Variants in FAM193B observed in about 807,000 individuals in gnomAD.
FAM193B encodes the protein protein FAM193B.
A neutral mutation model predicts 70.7 loss-of-function variants in FAM193B; 27 were observed. The ratio of observed to expected loss-of-function variants is 0.38; its 90% CI spans 0.28 to 0.53. The LOEUF (loss-of-function observed/expected upper bound fraction) is 0.53. FAM193B is among the 20% of genes least tolerant of loss of function. FAM193B has a pLI of 0.81. For missense variants in FAM193B, 1,022 were observed against 1,072.5 expected, an observed-to-expected ratio of 0.95 and a Z score of 0.66; for synonymous variants, 448 against 436.0, an observed-to-expected ratio of 1.03 and a Z score of -0.34.
Position 177,525,028 on chromosome 5 carries a change from A to G in FAM193B, c.1453T>C (p.Ser485Pro). 6.4e-7 allele frequency: 1 copy of G among 1,566,640 alleles called. No individual in the cohort carries two copies. The highest frequency in any genetic ancestry group is 1.2e-5 in the South Asian group (1 of 83,658). ...CACACACTGAAGCTGGCACGGATGG[A>G]GTCTTTGACAGTGTTTTTGATCTCC... Reference protein sequence around the residue: ...LQEIKNTVKDSIRASFSVCEL... With the variant: ...LQEIKNTVKDPIRASFSVCEL... The change falls in exon 6 of 9, where the codon TCC becomes CCC. Residue 485 changes from serine (S) to proline (P), a missense_variant. Coordinates refer to ENST00000514747, the MANE Select transcript of FAM193B (RefSeq NM_001190946.3).
At chr5:177,553,515 CTCAAAAGAAAGTGACCTTCT>C in intron 1 of FAM193B, 1 of 1,144,932 alleles carries the variant, frequency 8.7e-7, no homozygotes, top group South Asian at 1.8e-5. Context: ...ATCTCCTTTG[CTCAAAAGAAAGTGACCTTCT>C]TCCAGGTGGC....
At chr5:177,528,716 C>A (rs1360808718) in intron 5 of FAM193B, among the ~76,000 whole-genome samples, 1 of 152,086 alleles carries the variant, frequency 6.6e-6, no homozygotes, top group Non-Finnish European at 1.5e-5. Flanking sequence ...GAAGGCCTAG[C>A]GGTTTGAGAA....
At position 177,553,084 on chromosome 5, in the gene FAM193B, T is replaced by G. The variant is rs547135281; in HGVS notation, c.210+1165A>C. 2.2e-4 allele frequency: 155 copies of G among 708,756 alleles called. No individual in the cohort carries two copies. The African/African-American group carries it at 2.9e-3, about 13-fold the overall frequency. The allele number at this position is 708,756 out of a possible 1,614,324, so 43.9% of individuals were successfully genotyped here. A position where few individuals can be genotyped will look rare whatever the true frequency, so the allele number is the denominator to read the frequency against. ...TACCAGAGGGAGGCACAGAGGGCTG[T>G]GGGCACAGAGAGGGCACCTGACGCA... On this transcript the variant is annotated intron_variant, in intron 1 of 8. Coordinates refer to ENST00000514747, the MANE Select transcript of FAM193B (RefSeq NM_001190946.3).
intron 1 of FAM193B, among the ~76,000 whole-genome samples, chr5:177,540,904 C>T (rs939513779): frequency 2.0e-5 from 3 of 152,148 alleles, no homozygotes; most frequent in Non-Finnish European, 4.4e-5. Context: ...ATTTTTCTCC[C>T]GTGAAATTAC....
intron 5 of FAM193B, chr5:177,531,537 A>G: frequency 1.4e-5 from 13 of 919,348 alleles, no homozygotes; most frequent in African/African-American, 3.6e-5. Flanking sequence ...GGTGGGGGGG[A>G]GGTGCTGACA....
chr5:177,553,496 C>T (rs1412059703), intron 1 of FAM193B: 3 of 1,117,462 alleles, frequency 2.7e-6, no homozygotes, highest in Non-Finnish European at 3.3e-6. Flanking sequence ...TGGCAGGGTA[C>T]CTCCCGTTAT....
chr5:177,522,622 G>A (rs1761934543), intron 7 of FAM193B, among the ~76,000 whole-genome samples: 1 of 151,740 alleles, frequency 6.6e-6, no homozygotes, highest in African/African-American at 2.4e-5. Flanking sequence ...TTACAGGTGG[G>A]AGACACTGTG....
intron 1 of FAM193B, among the ~76,000 whole-genome samples, chr5:177,552,725 G>T (rs1023763948): frequency 1.3e-5 from 2 of 152,204 alleles, no homozygotes; most frequent in African/African-American, 4.8e-5. Context: ...AGTCTCCTAC[G>T]GAAGTGTCAG....
At chr5:177,526,566 A>C (rs908075241) in intron 5 of FAM193B, among the ~76,000 whole-genome samples, 3 of 152,080 alleles carry the variant, frequency 2.0e-5, no homozygotes, top group African/African-American at 7.2e-5. Flanking sequence ...GCTGGTGTGG[A>C]GGGAATGATA....
At position 177,532,651 on chromosome 5, in the gene FAM193B, G is replaced by A. The variant is rs1230068422; in HGVS notation, c.1077-10C>T. The stretch of plus-strand genomic sequence containing the variant: ...CTTGCACCCGGGATCCCTGATGATG[G>A]GGAGGAAGGCCCAGAGGTGAGGCAG... On this transcript the variant is annotated splice_polypyrimidine_tract_variant and intron_variant, in intron 4 of 8. Coordinates refer to ENST00000514747, the MANE Select transcript of FAM193B (RefSeq NM_001190946.3). The surrounding 1 kb of genome is among the most constrained non-coding windows in gnomAD (Gnocchi z 4.9). 1 of 1,527,618 alleles carries A rather than the reference G, an allele frequency of 6.5e-7. No individual in the cohort carries two copies. The highest frequency in any genetic ancestry group is 2.4e-5 in the East Asian group (1 of 41,658). 94.6% of individuals were successfully genotyped at this position (1,527,618 alleles called of 1,614,324 possible). A position where few individuals can be genotyped will look rare whatever the true frequency, so the allele number is the denominator to read the frequency against.
At position 177,520,599 on chromosome 5, in the gene FAM193B, G is replaced by A. The variant is rs143614589; in HGVS notation, c.*2-418C>T. Among the ~76,000 whole-genome samples, 893 of 152,322 alleles carry A rather than the reference G, an allele frequency of 5.9e-3. 8 individuals are homozygous for A. The highest frequency in any genetic ancestry group is 0.01 in the Non-Finnish European group (696 of 68,014). On this transcript the variant is annotated intron_variant, in intron 8 of 8. Transcript: ENST00000514747. ...CTATCTTGGAAAAGAGGCCAGACCA[G>A]GTGAAAAAGGGTCAAGAGGAGGCAG...
chr5:177,537,601 G>A (rs908823753), intron 3 of FAM193B, among the ~76,000 whole-genome samples: 2 of 152,150 alleles, frequency 1.3e-5, no homozygotes, highest in Non-Finnish European at 2.9e-5. Flanking sequence ...AGACCTCACC[G>A]GATGCCCTCT....
chr5:177,542,233 G>A (rs946636269), intron 1 of FAM193B, among the ~76,000 whole-genome samples: 1 of 152,250 alleles, frequency 6.6e-6, no homozygotes, highest in East Asian at 1.9e-4. Context: ...CTGGGGCGCA[G>A]TGGAAACAAC....
At chr5:177,545,131 C>T (rs550425673) in intron 1 of FAM193B, among the ~76,000 whole-genome samples, 1 of 152,098 alleles carries the variant, frequency 6.6e-6, no homozygotes, top group Non-Finnish European at 1.5e-5. Flanking sequence ...GCAACCTCCA[C>T]CTCCCATGTT....
intron 1 of FAM193B, among the ~76,000 whole-genome samples, chr5:177,540,845 G>A (rs1163743564): frequency 1.3e-5 from 2 of 152,130 alleles, no homozygotes; most frequent in Admixed American, 6.5e-5. Flanking sequence ...AGAGGCCTAC[G>A]GGAATAATAA....
Position 177,538,195 on chromosome 5 carries a change from C to G in FAM193B, c.454-88G>C. ...TGCCTCAGCTTTTCCTGAGGGAGCT[C>G]CTTCTCCTCCAGACCATGTGCCATA... On this transcript the variant is annotated intron_variant, in intron 2 of 8. Transcript: ENST00000514747. The surrounding 1 kb of genome is among the most constrained non-coding windows in gnomAD (Gnocchi z 4.1). The G allele has an allele frequency of 7.4e-7, 1 of 1,345,390 alleles. No homozygotes were observed. Among genetic ancestry groups the G allele is most frequent in the Non-Finnish European group, 1.0e-6 (1 of 999,914 alleles). The allele number at this position is 1,345,390 out of a possible 1,614,324, so 83.3% of individuals were successfully genotyped here.
At chr5:177,547,302 T>TTTTTTTTTTGG (rs58258777) in intron 1 of FAM193B, 1 of 141,450 alleles carries the variant, frequency 7.1e-6, no homozygotes, top group Admixed American at 7.0e-5. Context: ...TTTTTTTTTT[T>TTTTTTTTTTGG]GAGACGGAGT....
chr5:177,527,062 T>C (rs1401343331), intron 5 of FAM193B, among the ~76,000 whole-genome samples: 2 of 152,194 alleles, frequency 1.3e-5, no homozygotes, highest in African/African-American at 4.8e-5. Context: ...CAGGGAGTGC[T>C]TCCTGGAGGT....
chr5:177,524,621 G>C lies in FAM193B; in HGVS notation c.1860C>G (p.Cys620Trp). The C allele has an allele frequency of 6.2e-7, 1 of 1,612,610 alleles. No individual in the cohort carries two copies. Among genetic ancestry groups the C allele is most frequent in the South Asian group, 1.1e-5 (1 of 90,934 alleles). Residue 620 changes from cysteine to tryptophan, a missense_variant, in exon 6 of 9, where the codon TGC (cysteine) becomes TGG (tryptophan). Physicochemically the swap from Cys to Trp is radical, Grantham distance 215. Coordinates refer to ENST00000514747, the MANE Select transcript of FAM193B (RefSeq NM_001190946.3). ...ACACAGGCTCAGGCAGCTCCTGCTT[G>C]CAACTGGGAACTTCCTTTGAGCTTG... is the stretch of plus-strand genomic sequence containing the variant. ...EEPSSKEVPS[C>W]KQELPEPVSS... is the part of the protein sequence containing the mutation.
Sources: allele counts gnomAD v4.1 joint callset (sites outside exome capture counted in the v4.1 genomes callset), GRCh38; gene constraint gnomAD v4.1.1; non-coding constraint Gnocchi (gnomAD v3.1); transcripts MANE v1.5; gene names NCBI Gene and HGNC (gene_info 2026-07-23, HGNC 2026-07-21).